The following PTPN13 variants were observed in gnomAD, a reference collection of about 807,000 sequenced individuals.
The protein encoded by PTPN13 is tyrosine-protein phosphatase non-receptor type 13.
A neutral mutation model predicts 284.0 loss-of-function variants in PTPN13; 191 were observed. The observed-to-expected ratio is 0.67, with a 90% CI of 0.60 to 0.76. The LOEUF (loss-of-function observed/expected upper bound fraction) is 0.76, where lower values mean the gene tolerates loss of function less well. PTPN13 is among the 30% of genes least tolerant of loss of function. The pLI is 0.00. For missense variants in PTPN13, 2,797 were observed against 2,939.9 expected, an observed-to-expected ratio of 0.95 and a Z score of 1.12; for synonymous variants, 986 against 1,022.3, an observed-to-expected ratio of 0.96 and a Z score of 0.68.
At chr4:86,669,316 T>C (rs1470655265) in intron 2 of PTPN13, among the ~76,000 whole-genome samples, 2 of 141,666 alleles carry the variant, frequency 1.4e-5, no homozygotes, top group African/African-American at 2.6e-5. Context: ...TATATATATA[T>C]AGTGCTTAAA....
intron 1 of PTPN13, among the ~76,000 whole-genome samples, chr4:86,626,735 G>T (rs1721881648): frequency 6.6e-6 from 1 of 152,002 alleles, no homozygotes; most frequent in Non-Finnish European, 1.5e-5. Flanking sequence ...ATATGATTTA[G>T]CAATTCCACT....
At chr4:86,714,493 G>A (rs1732786456) in intron 7 of PTPN13, among the ~76,000 whole-genome samples, 1 of 151,832 alleles carries the variant, frequency 6.6e-6, no homozygotes, top group African/African-American at 2.4e-5. Flanking sequence ...CACTCAACGG[G>A]CTTATTATCC....
intron 46 of PTPN13, among the ~76,000 whole-genome samples, chr4:86,810,315 T>A (rs1006377493): frequency 4.6e-5 from 7 of 151,848 alleles, no homozygotes; most frequent in African/African-American, 1.7e-4. Flanking sequence ...TATCACACTT[T>A]AAAGATAGAA....
In PTPN13 at chr4:86,701,757, G is replaced by T; in HGVS notation, c.1151G>T (p.Arg384Ile). 1 of 1,613,366 alleles carries T rather than the reference G, an allele frequency of 6.2e-7. No individual in the cohort carries two copies. Among genetic ancestry groups the T allele is most frequent in the South Asian group, 1.1e-5 (1 of 90,860 alleles). ...AGTGCTTTGGACCGAATCCGAGAGAGACAAAAGAAACTTCAGGTTCTGAGG... is the reference window on the plus strand; with the variant it reads ...AGTGCTTTGGACCGAATCCGAGAGATACAAAAGAAACTTCAGGTTCTGAGG... ...ISSALDRIRE[R>I]QKKLQVLREA... The change falls in exon 7 of 48, where the codon AGA becomes ATA. Residue 384 changes from arginine (R) to isoleucine (I), a missense_variant. Transcript: ENST00000411767.
intron 6 of PTPN13, among the ~76,000 whole-genome samples, chr4:86,699,076 G>A (rs866908722): frequency 1.3e-5 from 2 of 152,046 alleles, no homozygotes; most frequent in South Asian, 2.1e-4. Context: ...AAATTTCATC[G>A]TTTAAGATGG....
intron 2 of PTPN13, among the ~76,000 whole-genome samples, chr4:86,646,364 C>G (rs1724423855): frequency 7.3e-6 from 1 of 137,894 alleles, no homozygotes; most frequent in South Asian, 2.3e-4. Flanking sequence ...GTGGTGAGAT[C>G]TCGGCTCACT....
chr4:86,667,503 A>G (rs1052349295), intron 2 of PTPN13, among the ~76,000 whole-genome samples: 4 of 152,194 alleles, frequency 2.6e-5, no homozygotes, highest in African/African-American at 9.6e-5. Flanking sequence ...TGAACCTTAA[A>G]TAATTTATGA....
chr4:86,770,007 T>A (rs774626433), intron 29 of PTPN13, 24 bp downstream of exon 29: 8 of 1,612,822 alleles, frequency 5.0e-6, no homozygotes, highest in Non-Finnish European at 5.9e-6. Context: ...ATGTGGAGTA[T>A]AGCATTTTTA....
chr4:86,774,275 T>C, intron 32 of PTPN13, 98 bp from the exon 33 acceptor site: 1 of 1,217,542 alleles, frequency 8.2e-7, no homozygotes, highest in Admixed American at 2.7e-5. Context: ...CTTTTAAGGT[T>C]TGACTTTCTC....
intron 2 of PTPN13, among the ~76,000 whole-genome samples, chr4:86,663,210 A>G (rs1054739385): frequency 6.6e-6 from 1 of 152,196 alleles, no homozygotes; most frequent in Non-Finnish European, 1.5e-5. Flanking sequence ...CCCTATAATA[A>G]AAGACAGATT....
chr4:86,715,013 A>C (rs1279808941), intron 7 of PTPN13, among the ~76,000 whole-genome samples: 1 of 152,166 alleles, frequency 6.6e-6, no homozygotes, highest in Non-Finnish European at 1.5e-5. Context: ...AAGGAAAAAA[A>C]AGATATTCAG....
At chr4:86,742,383 T>C (rs1159306865) in intron 16 of PTPN13, among the ~76,000 whole-genome samples, 1 of 152,220 alleles carries the variant, frequency 6.6e-6, no homozygotes, top group Admixed American at 6.5e-5. Flanking sequence ...AAGGCATATT[T>C]TGATTTTGGA....
chr4:86,782,128 T>C lies in PTPN13; in HGVS notation c.5963-73T>C, dbSNP rs913768690. On this transcript the variant is annotated intron_variant, in intron 36 of 47. Coordinates refer to ENST00000411767, the MANE Select transcript of PTPN13 (RefSeq NM_080683.3). ...AACAACATCCCAGAAATGTGAGTTT[T>C]CTTTAATTATTTTGATGTCCCTCTT... The C allele has an allele frequency of 2.3e-5, 24 of 1,039,764 alleles. No homozygotes were observed. In the African/African-American group the frequency reaches 3.0e-4, roughly 13 times the overall value. 64.4% of individuals were successfully genotyped at this position (1,039,764 alleles called of 1,614,324 possible). A position where few individuals can be genotyped will look rare whatever the true frequency, so the allele number is the denominator to read the frequency against.
At chr4:86,603,272 C>CA (rs144492089) in intron 1 of PTPN13, among the ~76,000 whole-genome samples, 7,064 of 152,028 alleles carry the variant, frequency 0.046, 222 homozygotes, top group African/African-American at 0.06. Context: ...TTTTTGATAA[C>CA]TTGTCCTTGT....
intron 3 of PTPN13, among the ~76,000 whole-genome samples, chr4:86,674,518 G>A (rs2148900451): frequency 6.6e-6 from 1 of 152,256 alleles, no homozygotes; most frequent in Admixed American, 6.5e-5. Context: ...CTTGATTTGA[G>A]CCATCAATTA....
At chr4:86,729,212 G>C (rs1240448997) in intron 10 of PTPN13, among the ~76,000 whole-genome samples, 1 of 149,628 alleles carries the variant, frequency 6.7e-6, no homozygotes, top group Non-Finnish European at 1.5e-5. Flanking sequence ...AGAGATCGCT[G>C]TTAGTCTGAT....
intron 7 of PTPN13, among the ~76,000 whole-genome samples, chr4:86,710,719 T>A (rs906250782): frequency 1.3e-5 from 2 of 152,162 alleles, no homozygotes; most frequent in Admixed American, 6.6e-5. Context: ...ATAAATGGCA[T>A]CAATATAATA....
chr4:86,675,537 A>C (rs74814152), intron 3 of PTPN13, among the ~76,000 whole-genome samples: 7,611 of 152,276 alleles, frequency 0.05, 262 homozygotes, highest in African/African-American at 0.073. Flanking sequence ...ATGCTCAGTG[A>C]CCAGCACTCT....
At position 86,672,399 on chromosome 4, in the gene PTPN13, C is replaced by G. The variant is rs915443943; in HGVS notation, c.150C>G (p.Ile50Met). ...SLADPAALGF[I>M]ISPWSLLLLP... ...CTGATCCTGCTGCCCTTGGCTTCAT[C>G]ATTTCTCCATGGTCTCTGCTGTTGC... Residue 50 changes from isoleucine (I) to methionine (M), a missense_variant, in exon 3 of 48, where the codon ATC (isoleucine) becomes ATG (methionine). Ile to Met is a conservative substitution (Grantham distance 10). Transcript: ENST00000411767. 1.2e-5 allele frequency: 19 copies of G among 1,555,734 alleles called. No homozygotes were observed. The highest frequency in any genetic ancestry group is 1.7e-5 in the Non-Finnish European group (19 of 1,149,166).
Sources: allele counts gnomAD v4.1 joint callset (sites outside exome capture counted in the v4.1 genomes callset), GRCh38; gene constraint gnomAD v4.1.1; transcripts MANE v1.5; gene names NCBI Gene and HGNC (gene_info 2026-07-23, HGNC 2026-07-21).